The following NUBPL variants were observed in gnomAD, a reference collection of about 807,000 sequenced individuals.
NUBPL encodes the protein iron-sulfur cluster transfer protein NUBPL.
A neutral mutation model predicts 45.7 loss-of-function variants in NUBPL; 31 were observed. The ratio of observed to expected loss-of-function variants is 0.68; its 90% confidence interval spans 0.51 to 0.92. The LOEUF (loss-of-function observed/expected upper bound fraction) is 0.92, where lower values mean the gene tolerates loss of function less well. Among genes scored for constraint, NUBPL ranks in the 40% least tolerant of loss-of-function variants. The pLI is 0.00. For missense variants in NUBPL, 401 were observed against 398.7 expected, an observed-to-expected ratio of 1.01 and a Z score of -0.05; for synonymous variants, 144 against 140.9, an observed-to-expected ratio of 1.02 and a Z score of -0.15.
In NUBPL at chr14:31,811,711, G is replaced by T. The variant is rs114214694; in HGVS notation, c.608-14918G>T. 6.6e-3 allele frequency among the ~76,000 whole-genome samples: 1,002 copies of T among 152,246 alleles called. 11 individuals carry two copies. Among genetic ancestry groups the T allele is most frequent in the African/African-American group, 0.023 (946 of 41,556 alleles). ...AGGAGAAGGAGTGCTCTGGTTTTTA[G>T]AATTTTTACCTTTTCTGCTCTGGTT... On this transcript the variant is annotated intron_variant, in intron 7 of 10. Transcript: ENST00000281081.
At chr14:31,677,363 A>G (rs2036725271) in intron 6 of NUBPL, among the ~76,000 whole-genome samples, 1 of 151,030 alleles carries the variant, frequency 6.6e-6, no homozygotes, top group Admixed American at 6.6e-5. Context: ...TCAGGTAACC[A>G]TCTTTCTATG....
intron 4 of NUBPL, among the ~76,000 whole-genome samples, chr14:31,602,314 C>T (rs1340632036): frequency 1.3e-5 from 2 of 151,052 alleles, no homozygotes; most frequent in African/African-American, 2.4e-5. Flanking sequence ...GGGTGCAGCA[C>T]ACCAGCATGG....
chr14:31,791,784 T>C (rs1365662549), intron 7 of NUBPL, among the ~76,000 whole-genome samples: 2 of 152,154 alleles, frequency 1.3e-5, no homozygotes, highest in Non-Finnish European at 2.9e-5. Context: ...ATAAATATGA[T>C]ACATTGTAGA....
intron 6 of NUBPL, among the ~76,000 whole-genome samples, chr14:31,717,653 T>C (rs2037718832): frequency 6.6e-6 from 1 of 152,148 alleles, no homozygotes; most frequent in South Asian, 2.1e-4. Context: ...ATCTAAGCCT[T>C]AAAAAGAAAC....
chr14:31,732,861 C>T (rs1003179875), intron 6 of NUBPL, among the ~76,000 whole-genome samples: 1 of 152,128 alleles, frequency 6.6e-6, no homozygotes, highest in African/African-American at 2.4e-5. Flanking sequence ...ATCTGCCCAC[C>T]TCGGCCTCCC....
At chr14:31,700,637 G>A (rs535352228) in intron 6 of NUBPL, among the ~76,000 whole-genome samples, 5 of 152,148 alleles carry the variant, frequency 3.3e-5, no homozygotes, top group African/African-American at 1.2e-4. Flanking sequence ...CCTGCACTTC[G>A]AGCGGCCGGC....
chr14:31,756,821 G>T (rs1159163087), intron 6 of NUBPL, among the ~76,000 whole-genome samples: 2 of 151,914 alleles, frequency 1.3e-5, no homozygotes, highest in African/African-American at 4.8e-5. Context: ...CATTCAGTAT[G>T]ATATTGGCTG....
intron 4 of NUBPL, among the ~76,000 whole-genome samples, chr14:31,643,628 G>C (rs144587315): frequency 1.3e-5 from 2 of 152,052 alleles, no homozygotes; most frequent in Non-Finnish European, 2.9e-5. Flanking sequence ...TTGTGTTCTT[G>C]TTTTATTTTG....
intron 6 of NUBPL, among the ~76,000 whole-genome samples, chr14:31,674,495 A>G (rs947906838): frequency 6.6e-6 from 1 of 151,832 alleles, no homozygotes; most frequent in African/African-American, 2.4e-5. Context: ...TCTTGGTTTC[A>G]TTTTCTCCTC....
At chr14:31,778,442 G>A (rs2039134736) in intron 6 of NUBPL, among the ~76,000 whole-genome samples, 1 of 152,202 alleles carries the variant, frequency 6.6e-6, no homozygotes, top group South Asian at 2.1e-4. Flanking sequence ...TAGGGCCAAG[G>A]CAGGCTAAAT....
At chr14:31,805,592 A>T (rs757580063) in intron 7 of NUBPL, among the ~76,000 whole-genome samples, 55 of 152,200 alleles carry the variant, frequency 3.6e-4, no homozygotes, top group Non-Finnish European at 7.2e-4. Context: ...TCCATAAAAA[A>T]AGAATGTTCC....
At chr14:31,786,241 A>G (rs538701560) in intron 6 of NUBPL, among the ~76,000 whole-genome samples, 9 of 152,314 alleles carry the variant, frequency 5.9e-5, no homozygotes, top group African/African-American at 2.2e-4. Flanking sequence ...AAGGAGCACA[A>G]TATGAAATTA....
chr14:31,768,842 G>A (rs967985522), intron 6 of NUBPL, among the ~76,000 whole-genome samples: 3 of 152,158 alleles, frequency 2.0e-5, no homozygotes, highest in African/African-American at 7.2e-5. Context: ...ACACCAGGTG[G>A]TTGGGGTGGG....
At chr14:31,663,620 C>T (rs1000006258) in intron 4 of NUBPL, among the ~76,000 whole-genome samples, 5 of 152,136 alleles carry the variant, frequency 3.3e-5, no homozygotes, top group African/African-American at 4.8e-5. Context: ...GTACCAGTAT[C>T]GTGCTGTTTT....
chr14:31,711,370 G>A (rs746720238), intron 6 of NUBPL, among the ~76,000 whole-genome samples: 5 of 152,250 alleles, frequency 3.3e-5, no homozygotes, highest in Middle Eastern at 3.4e-3. Context: ...TTAACTGGCC[G>A]ACAGGTGCCC....
intron 4 of NUBPL, among the ~76,000 whole-genome samples, chr14:31,621,603 C>T (rs1304892693): frequency 2.0e-5 from 3 of 152,146 alleles, no homozygotes; most frequent in Admixed American, 6.5e-5. Flanking sequence ...TTTGGCTCAC[C>T]CTCCATGGGC....
intron 7 of NUBPL, among the ~76,000 whole-genome samples, chr14:31,822,732 A>G (rs2040038370): frequency 6.6e-6 from 1 of 152,160 alleles, no homozygotes; most frequent in Non-Finnish European, 1.5e-5. Flanking sequence ...AAAAACTTCT[A>G]TAAATATAGT....
At position 31,860,725 on chromosome 14, in the gene NUBPL, C is replaced by T. The variant is rs888638609; in HGVS notation, c.*1545C>T. ...TTTATTGCAATTTTATGTGTAATAA[C>T]CAAAAACAACCCAGATTTTCTTCAT... is the stretch of plus-strand genomic sequence containing the variant. On this transcript the variant is annotated 3_prime_UTR_variant, in exon 11 of 11. Transcript: ENST00000281081. 2 of 151,988 alleles carry T rather than the reference C, an allele frequency of 1.3e-5. No homozygotes were observed. The highest frequency in any genetic ancestry group is 4.8e-5 in the African/African-American group (2 of 41,362). 9.4% of individuals were successfully genotyped at this position (151,988 alleles called of 1,614,324 possible).
At chr14:31,625,259 A>G (rs1226647500) in intron 4 of NUBPL, among the ~76,000 whole-genome samples, 2 of 152,188 alleles carry the variant, frequency 1.3e-5, no homozygotes, top group African/African-American at 4.8e-5. Flanking sequence ...TGAAAATTAC[A>G]TTTTAGATTT....
Sources: allele counts gnomAD v4.1 joint callset (sites outside exome capture counted in the v4.1 genomes callset), GRCh38; gene constraint gnomAD v4.1.1; transcripts MANE v1.5; gene names NCBI Gene and HGNC (gene_info 2026-07-23, HGNC 2026-07-21).